The following ASAH1 variants were observed in gnomAD, a reference collection of about 807,000 sequenced individuals.
ASAH1 encodes the protein N-acylsphingosine amidohydrolase 1.
Under a neutral mutation model 59.5 loss-of-function variants are expected in ASAH1, and 70 were observed. That is an observed-to-expected ratio of 1.18 (90% CI 0.97 to 1.43). The LOEUF is 1.43. Ranked by LOEUF, ASAH1 falls within the 40% of genes most tolerant of loss-of-function variation. ASAH1 has a pLI of 0.00. For synonymous variants in ASAH1, 213 were observed against 166.5 expected (o/e 1.28, Z -2.15); for missense variants, 660 against 482.5 (o/e 1.37, Z -3.45).
At chr8:18,075,140 C>A (rs186246963) in intron 2 of ASAH1, among the ~76,000 whole-genome samples, 3 of 151,534 alleles carry the variant, frequency 2.0e-5, no homozygotes, top group Non-Finnish European at 4.4e-5. Flanking sequence ...GGACTACAGG[C>A]GCCCGCCACC....
chr8:18,083,192 T>C (rs1360389829), intron 1 of ASAH1: 1 of 152,206 alleles, frequency 6.6e-6, no homozygotes, highest in Admixed American at 6.5e-5. Flanking sequence ...TCCGATTCTG[T>C]TGGCAAAGAC....
upstream of ASAH1, chr8:18,084,586 C>T (rs1800818026): frequency 1.9e-6 from 3 of 1,579,688 alleles, no homozygotes; most frequent in Non-Finnish European, 2.6e-6. Context: ...TTCATCCCCA[C>T]CGCGGAGTCA....
intron 1 of ASAH1, chr8:18,083,757 T>C (rs1383687243): frequency 2.3e-6 from 2 of 852,354 alleles, no homozygotes; most frequent in East Asian, 2.7e-5. Flanking sequence ...GAGACTAGGA[T>C]TTCCTTTAAA....
chr8:18,069,654 C>G, intron 4 of ASAH1, 138 bp downstream of exon 4: 1 of 638,878 alleles, frequency 1.6e-6, no homozygotes, highest in Non-Finnish European at 2.8e-6. Flanking sequence ...TTAAGTCCCT[C>G]TGAAGTTCTG....
intron 12 of ASAH1, 169 bp downstream of exon 12, chr8:18,059,172 T>G: frequency 9.7e-7 from 1 of 1,031,202 alleles, no homozygotes; most frequent in South Asian, 1.5e-5. Context: ...ACAGCACAAT[T>G]TTGCTCTTTA....
At chr8:18,078,890 C>T (rs559897720) in intron 1 of ASAH1, among the ~76,000 whole-genome samples, 20 of 152,238 alleles carry the variant, frequency 1.3e-4, no homozygotes, top group Admixed American at 1.0e-3. Flanking sequence ...CTCTTTCTCT[C>T]TCTCTCCCTG....
chr8:18,063,375 C>T (rs1228070169), intron 6 of ASAH1, 145 bp from the exon 7 acceptor site: 3 of 745,930 alleles, frequency 4.0e-6, no homozygotes, highest in African/African-American at 3.5e-5. Flanking sequence ...GCGATCTCAG[C>T]TCACTGCGAC....
At chr8:18,078,318 G>T (rs1027179894) in intron 1 of ASAH1, among the ~76,000 whole-genome samples, 19 of 152,220 alleles carry the variant, frequency 1.2e-4, no homozygotes, top group African/African-American at 4.6e-4. Context: ...TGCCCCAGAG[G>T]TAAGAACTAA....
At chr8:18,070,985 A>C (rs1800145711) in intron 3 of ASAH1, among the ~76,000 whole-genome samples, 1 of 152,170 alleles carries the variant, frequency 6.6e-6, no homozygotes, top group Admixed American at 6.5e-5. Context: ...AGGTGGGAGG[A>C]TCACTCGAGG....
intron 5 of ASAH1, chr8:18,065,235 T>C (rs1799880249): frequency 6.6e-6 from 1 of 151,846 alleles, no homozygotes; most frequent in African/African-American, 2.4e-5. Flanking sequence ...ACACCACTTA[T>C]ACATCATGTT....
intron 7 of ASAH1, chr8:18,062,969 CAAA>C: frequency 2.0e-6 from 1 of 499,174 alleles, no homozygotes; most frequent in Non-Finnish European, 3.6e-6. Context: ...CTCGCAGGTT[CAAA>C]AAAGTCTCTG....
In ASAH1 at chr8:18,069,690, T is replaced by C. The variant is rs1330601292; in HGVS notation, c.303+102A>G. 8.7e-6 allele frequency: 7 copies of C among 801,640 alleles called. No homozygotes were observed. The Admixed American group carries it at 1.5e-4, about 17-fold the overall frequency. The allele number at this position is 801,640 out of a possible 1,614,324, so 49.7% of individuals were successfully genotyped here. On this transcript the variant is annotated intron_variant, in intron 4 of 13. Transcript: ENST00000637790. ...ACAGTGAGCTAGATTCATGCAGATT[T>C]GCCCAAGTCCCTGCGAAGAGGTTGC...
chr8:18,069,427 T>C (rs1588989416), intron 4 of ASAH1: 2 of 218,940 alleles, frequency 9.1e-6, no homozygotes, highest in South Asian at 1.3e-4. Flanking sequence ...AGTATGTCAT[T>C]TGCTCATATC....
Position 18,058,881 on chromosome 8 carries a change from A to T in ASAH1, c.1052T>A (p.Phe351Tyr), listed in dbSNP as rs1334897456. The T allele has an allele frequency of 6.2e-7, 1 of 1,612,190 alleles. No individual in the cohort carries two copies. The highest frequency in any genetic ancestry group is 8.5e-7 in the Non-Finnish European group (1 of 1,178,214). The change falls in exon 13 of 14, where the codon TTT becomes TAT. Residue 351 changes from phenylalanine (F) to tyrosine (Y), a missense_variant. Transcript: ENST00000637790. ...TGACAGGACATCATACATGGTTTCA[A>T]ATGAGATATTCTAAAACACAAGAAA... is the stretch of plus-strand genomic sequence containing the variant. ...LNRTSQENIS[F>Y]ETMYDVLSTK...
At position 18,056,703 on chromosome 8, in the gene ASAH1, T is replaced by TTCTTGTAAACAGTAAATAAG. The variant is rs1564532808; in HGVS notation, c.*830_*831insCTTATTTACTGTTTACAAGA. On this transcript the variant is annotated 3_prime_UTR_variant, in exon 14 of 14. Transcript: ENST00000637790. ...GAAGAACAAACTAAAAACCTGTTTA[T>TTCTTGTAAACAGTAAATAAG]TACATGAATGCTACTTATGAGAATT... 6.6e-6 allele frequency: 1 copy of TTCTTGTAAACAGTAAATAAG among 152,248 alleles called. No homozygotes were observed. The highest frequency in any genetic ancestry group is 1.9e-4 in the East Asian group (1 of 5,204). 9.4% of individuals were successfully genotyped at this position (152,248 alleles called of 1,614,324 possible).
upstream of ASAH1, chr8:18,084,662 TGTTG>T (rs879388158): frequency 2.5e-5 from 40 of 1,613,202 alleles, no homozygotes; most frequent in African/African-American, 4.0e-5. Context: ...TCCTCCAAGC[TGTTG>T]GTTACCCACT....
intron 4 of ASAH1, 107 bp from the exon 5 acceptor site, chr8:18,067,405 G>A (rs1049615091): frequency 1.4e-6 from 1 of 701,952 alleles, no homozygotes. Context: ...TCTAGTTCTT[G>A]GACATATAAT....
At chr8:18,084,744 G>T (rs754175884), upstream of ASAH1, 1 of 1,613,790 alleles carries the variant, frequency 6.2e-7, no homozygotes, top group South Asian at 1.1e-5. Flanking sequence ...CTGAGACTTG[G>T]GTAGGAGGCC....
Position 18,071,308 on chromosome 8 carries a change from C to T in ASAH1, c.208G>A (p.Ala70Thr), listed in dbSNP as rs1286637344. 6.3e-7 allele frequency: 1 copy of T among 1,581,390 alleles called. No homozygotes were observed. The highest frequency in any genetic ancestry group is 8.7e-7 in the Non-Finnish European group (1 of 1,153,898). Residue 70 changes from alanine to threonine, a missense_variant, in exon 3 of 14, where the codon GCA (alanine) becomes ACA (threonine). Transcript: ENST00000637790. ...TAAGCATCATAGCATACCACTGGTGCCTTGTCAAGCATCAATTCATGCCAT... is the reference window on the plus strand; with the variant it reads ...TAAGCATCATAGCATACCACTGGTGTCTTGTCAAGCATCAATTCATGCCAT... ...KRWHELMLDK[A>T]PVLKVIVNSL... is the part of the protein sequence containing the mutation.
Sources: allele counts gnomAD v4.1 joint callset (sites outside exome capture counted in the v4.1 genomes callset), GRCh38; gene constraint gnomAD v4.1.1; transcripts MANE v1.5; gene names NCBI Gene and HGNC (gene_info 2026-07-23, HGNC 2026-07-21).